The following ZNF280C variants were observed in gnomAD, a reference collection of about 807,000 sequenced individuals.
The protein encoded by ZNF280C is suppressor of hairy wing homolog 3.
In ZNF280C, 14 loss-of-function variants were observed where a neutral mutation model predicts 53.6. The observed-to-expected ratio is 0.26, with a 90% confidence interval of 0.17 to 0.41. The LOEUF is 0.41. Among genes scored for constraint, ZNF280C ranks in the 10% least tolerant of loss-of-function variants. ZNF280C has a pLI of 1.00. For missense variants in ZNF280C, 416 were observed against 547.1 expected, an observed-to-expected ratio of 0.76 and a Z score of 2.39; for synonymous variants, 203 against 181.1, an observed-to-expected ratio of 1.12 and a Z score of -0.97.
At chrX:130,207,744 G>A (rs915799517) in intron 16 of ZNF280C, among the ~76,000 whole-genome samples, 15 of 111,705 alleles carry the variant, frequency 1.3e-4, no homozygotes, top group African/African-American at 4.2e-4. Flanking sequence ...TTGTCATTCC[G>A]GAGAATGTGT....
chrX:130,209,222 A>C (rs2032014712), intron 16 of ZNF280C, among the ~76,000 whole-genome samples: 1 of 112,133 alleles, frequency 8.9e-6, no homozygotes, highest in Admixed American at 9.5e-5. Flanking sequence ...ATGTAAAAAA[A>C]CAGATGTTTA....
chrX:130,244,383 A>G (rs2032426541), intron 3 of ZNF280C, among the ~76,000 whole-genome samples: 1 of 112,064 alleles, frequency 8.9e-6, no homozygotes, highest in East Asian at 2.8e-4. Flanking sequence ...AATTTGGAAG[A>G]ATAGTGATTT....
At chrX:130,260,487 C>A in intron 1 of ZNF280C, 22 bp from the exon 2 acceptor site, 1 of 1,141,545 alleles carries the variant, frequency 8.8e-7, no homozygotes, top group South Asian at 2.0e-5. Context: ...CACATGACAT[C>A]AATCAATGTT....
intron 3 of ZNF280C, 46 bp from the exon 4 acceptor site, chrX:130,243,911 T>C (rs1394840878): frequency 5.8e-6 from 5 of 855,818 alleles, no homozygotes; most frequent in Non-Finnish European, 1.6e-6. Flanking sequence ...GAATGAAATA[T>C]ATACTAATAG....
chrX:130,255,783 T>C (rs209221), intron 2 of ZNF280C, among the ~76,000 whole-genome samples: 59,514 of 109,847 alleles, frequency 0.54, 13,281 homozygotes, highest in African/African-American at 0.85. Flanking sequence ...GGTGAGACGC[T>C]GTCCCTACTA....
intron 8 of ZNF280C, among the ~76,000 whole-genome samples, chrX:130,233,274 C>T (rs903651508): frequency 2.7e-5 from 3 of 111,271 alleles, no homozygotes; most frequent in African/African-American, 9.8e-5. Context: ...TCCTAGAGAT[C>T]TACTATATAG....
rs2031956607 is a variant in ZNF280C at position 130,205,010 on chromosome X, A to C, written c.2199-18T>G. The C allele has an allele frequency of 1.9e-6, 2 of 1,053,890 alleles. No individual in the cohort carries two copies. The highest frequency in any genetic ancestry group is 2.0e-5 in the African/African-American group (1 of 50,867). The allele number at this position is 1,053,890 out of a possible 1,213,427, so 86.9% of individuals were successfully genotyped here. ...ATGAGCAGCTTTAAGAAAAAAAAAAAAAAACTTTAATATTTTTCATTTATA... is the reference window on the plus strand; with the variant it reads ...ATGAGCAGCTTTAAGAAAAAAAAAACAAAACTTTAATATTTTTCATTTATA... On this transcript the variant is annotated intron_variant, in intron 18 of 18. Coordinates refer to ENST00000370978, the MANE Select transcript of ZNF280C (RefSeq NM_017666.5).
Position 130,204,921 on chromosome X carries a change from T to C in ZNF280C, c.*56A>G. ...GAGAAAATACTTCAGAACTTTGAAC[T>C]TAGGAACTTCCAACTTGTCTTGCAC... is the stretch of plus-strand genomic sequence containing the variant. On this transcript the variant is annotated 3_prime_UTR_variant, in exon 19 of 19. Coordinates refer to ENST00000370978, the MANE Select transcript of ZNF280C (RefSeq NM_017666.5). 9.6e-7 allele frequency: 1 copy of C among 1,046,105 alleles called. No homozygotes were observed. The allele number at this position is 1,046,105 out of a possible 1,213,427, so 86.2% of individuals were successfully genotyped here. A position where few individuals can be genotyped will look rare whatever the true frequency, so the allele number is the denominator to read the frequency against.
intron 12 of ZNF280C, 21 bp downstream of exon 12, chrX:130,226,738 A>G: frequency 1.7e-6 from 2 of 1,198,039 alleles, no homozygotes; most frequent in Non-Finnish European, 2.2e-6. Context: ...ACATGAACAA[A>G]TAAGAACTGC....
At chrX:130,255,958 A>T (rs76049503) in intron 2 of ZNF280C, among the ~76,000 whole-genome samples, 1,265 of 110,698 alleles carry the variant, frequency 0.011, 9 homozygotes, top group Middle Eastern at 0.028. Context: ...TCTCACTCAA[A>T]CAAACAAACA....
In ZNF280C at chrX:130,260,473, C is replaced by A. The variant is rs188003057; in HGVS notation, c.-16-8G>T. On this transcript the variant is annotated splice_region_variant and splice_polypyrimidine_tract_variant and intron_variant, in intron 1 of 18. Transcript: ENST00000370978. The stretch of plus-strand genomic sequence containing the variant: ...ATGAAGTTGCAAGGTCACCTAAGTA[C>A]GAACACATGACATCAATCAATGTTA... 1.4e-5 allele frequency: 17 copies of A among 1,176,600 alleles called. No homozygotes were observed. Among genetic ancestry groups the A allele is most frequent in the Non-Finnish European group, 1.9e-5 (17 of 873,170 alleles).
intron 6 of ZNF280C, 75 bp from the exon 7 acceptor site, chrX:130,236,714 C>A: frequency 1.4e-6 from 1 of 728,065 alleles, no homozygotes; most frequent in Admixed American, 4.0e-5. Context: ...AAAACTGCTA[C>A]CAAAATGGCT....
At chrX:130,249,418 G>A (rs1171272588) in intron 2 of ZNF280C, among the ~76,000 whole-genome samples, 3 of 112,159 alleles carry the variant, frequency 2.7e-5, no homozygotes, top group Non-Finnish European at 5.6e-5. Context: ...ACCCATTGGC[G>A]TGCTGGGACA....
chrX:130,264,213 T>C (rs1038495800), intron 1 of ZNF280C, among the ~76,000 whole-genome samples: 3 of 111,065 alleles, frequency 2.7e-5, no homozygotes, highest in African/African-American at 9.8e-5. Flanking sequence ...CCGGTCCTGA[T>C]GATACCATTT....
chrX:130,242,001 G>A (rs1367557061), intron 5 of ZNF280C, among the ~76,000 whole-genome samples: 1 of 36,287 alleles, frequency 2.8e-5, no homozygotes, highest in Non-Finnish European at 4.5e-5. Flanking sequence ...TTGGGAAGCC[G>A]GGGGGGGGCG....
At position 130,236,481 on chromosome X, in the gene ZNF280C, T is replaced by A; in HGVS notation, c.652A>T (p.Met218Leu). 8.4e-7 allele frequency: 1 copy of A among 1,197,440 alleles called. No individual in the cohort carries two copies. Among genetic ancestry groups the A allele is most frequent in the Non-Finnish European group, 1.1e-6 (1 of 889,886 alleles). The change falls in exon 7 of 19, where the codon ATG becomes TTG. Residue 218 changes from methionine to leucine, a missense_variant. By Grantham distance (15) the Met-to-Leu change is conservative. This residue lies in a region of ZNF280C where 193 missense variants were observed against 201.4 expected (regional missense o/e 0.96). Coordinates refer to ENST00000370978, the MANE Select transcript of ZNF280C (RefSeq NM_017666.5). Reference protein sequence around the residue: ...GSPPVTSSQVMLSKGTNTSSP... With the variant: ...GSPPVTSSQVLLSKGTNTSSP... ...ATTTCATGTTTACCTTTTGACAGCATAACTTGGGAGGATGTCACTGGAGGA... is the reference window on the plus strand; with the variant it reads ...ATTTCATGTTTACCTTTTGACAGCAAAACTTGGGAGGATGTCACTGGAGGA...
chrX:130,244,232 AT>A (rs1331466283), intron 3 of ZNF280C, among the ~76,000 whole-genome samples: 1 of 111,971 alleles, frequency 8.9e-6, no homozygotes, highest in Non-Finnish European at 1.9e-5. Flanking sequence ...AGAGTATCTG[AT>A]TAATGTAAGG....
intron 13 of ZNF280C, among the ~76,000 whole-genome samples, chrX:130,218,858 A>G (rs777724849): frequency 3.0e-4 from 34 of 111,591 alleles, no homozygotes; most frequent in African/African-American, 1.0e-3. Flanking sequence ...CTAAAGTGCT[A>G]TAAGACATAT....
chrX:130,216,169 G>T, intron 13 of ZNF280C, 68 bp from the exon 14 acceptor site: 1 of 968,795 alleles, frequency 1.0e-6, no homozygotes, highest in East Asian at 3.1e-5. Flanking sequence ...AAATATCATT[G>T]TAAGCCGTAA....
Sources: allele counts gnomAD v4.1 joint callset (sites outside exome capture counted in the v4.1 genomes callset), GRCh38; gene constraint gnomAD v4.1.1; regional missense constraint gnomAD v4.1.1; transcripts MANE v1.5; gene names NCBI Gene and HGNC (gene_info 2026-07-23, HGNC 2026-07-21).